SYNE1: variants seen among roughly 807,000 people sequenced by gnomAD.
SYNE1 encodes the protein nesprin-1.
A neutral mutation model predicts 1,111.0 loss-of-function variants in SYNE1; 616 were observed. The observed-to-expected ratio is 0.55, with a 90% confidence interval of 0.52 to 0.59. SYNE1 has a LOEUF of 0.59. Ranked by LOEUF, SYNE1 falls within the 20% of genes least tolerant of loss-of-function variation. The pLI is 0.00. For missense variants in SYNE1, 10,006 were observed against 10,417.0 expected (o/e 0.96, Z 1.72); for synonymous variants, 3,855 against 3,825.8 (o/e 1.01, Z -0.28).
intron 130 of SYNE1, among the ~76,000 whole-genome samples, chr6:152,169,720 A>C (rs1489467862): frequency 3.3e-5 from 5 of 150,914 alleles, no homozygotes; most frequent in Non-Finnish European, 7.4e-5. Flanking sequence ...AGACTGCTTG[A>C]GCCCAGGAGG....
intron 91 of SYNE1, 26 bp downstream of exon 91, chr6:152,308,463 C>T (rs369482077): frequency 6.2e-6 from 10 of 1,613,850 alleles, no homozygotes; most frequent in African/African-American, 4.0e-5. Context: ...TTCCTGCCCT[C>T]GGTATTTCGC....
chr6:152,370,245 T>C (rs1266332557), intron 59 of SYNE1, among the ~76,000 whole-genome samples: 2 of 152,114 alleles, frequency 1.3e-5, no homozygotes, highest in African/African-American at 4.8e-5. Flanking sequence ...GGTTGGATTG[T>C]GAATTTTCAT....
At chr6:152,278,409 T>C in intron 97 of SYNE1, 129 bp from the exon 98 acceptor site, 2 of 1,063,748 alleles carry the variant, frequency 1.9e-6, no homozygotes, top group Admixed American at 1.8e-5. Flanking sequence ...TTTTTGTAGT[T>C]TTCCCACGGC....
chr6:152,430,359 A>G, intron 35 of SYNE1, 123 bp downstream of exon 35: 2 of 1,126,858 alleles, frequency 1.8e-6, no homozygotes, highest in African/African-American at 1.5e-5. Context: ...TAAAATCAAC[A>G]TGTCCCATTA....
At chr6:152,493,401 C>G (rs2154308374) in intron 11 of SYNE1, among the ~76,000 whole-genome samples, 1 of 152,182 alleles carries the variant, frequency 6.6e-6, no homozygotes, top group South Asian at 2.1e-4. Flanking sequence ...ATCCCAGCCT[C>G]TCTTCGCTTT....
chr6:152,145,404 G>A, intron 137 of SYNE1: 1 of 1,342,070 alleles, frequency 7.5e-7, no homozygotes, highest in East Asian at 2.3e-5. Context: ...CACAAAGCTG[G>A]GAGAGAGACA....
At chr6:152,594,716 A>G (rs1421915609) in intron 3 of SYNE1, among the ~76,000 whole-genome samples, 1 of 152,208 alleles carries the variant, frequency 6.6e-6, no homozygotes, top group Non-Finnish European at 1.5e-5. Context: ...ACTCTCTTGT[A>G]CAAAAAACTC....
intron 125 of SYNE1, among the ~76,000 whole-genome samples, chr6:152,207,549 A>C (rs1344563682): frequency 6.6e-6 from 1 of 152,332 alleles, no homozygotes; most frequent in Middle Eastern, 3.4e-3. Context: ...AGATGCTAGA[A>C]GCCTGAAGGT....
chr6:152,367,261 G>C lies in SYNE1; in HGVS notation c.9929C>G (p.Thr3310Arg). The C allele has an allele frequency of 2.5e-6, 4 of 1,614,250 alleles. No individual in the cohort carries two copies. Among genetic ancestry groups the C allele is most frequent in the Non-Finnish European group, 3.4e-6 (4 of 1,180,046 alleles). The change falls in exon 62 of 146, where the codon ACA (threonine) becomes AGA (arginine). Residue 3310 changes from threonine to arginine, a missense_variant. Coordinates refer to ENST00000367255, the MANE Select transcript of SYNE1 (RefSeq NM_182961.4). ...IHMLDSYCHPTSDKSVLDSRT... is the reference protein window; with the variant it reads ...IHMLDSYCHPRSDKSVLDSRT... ...GCTGTCCAGCACACTTTTGTCGGAT[G>C]TCGGGTGGCAGTATGAATCCAGCAT...
intron 133 of SYNE1, among the ~76,000 whole-genome samples, chr6:152,153,473 A>G (rs2152929612): frequency 6.6e-6 from 1 of 152,384 alleles, no homozygotes; most frequent in Admixed American, 6.5e-5. Flanking sequence ...GATAAATAAT[A>G]AAATCAATCA....
At chr6:152,516,208 G>C (rs574608662) in intron 6 of SYNE1, among the ~76,000 whole-genome samples, 4 of 152,188 alleles carry the variant, frequency 2.6e-5, no homozygotes, top group African/African-American at 9.7e-5. Context: ...GAGTGTGGCC[G>C]ACAAGAATGT....
chr6:152,142,353 C>T (rs10484863), intron 138 of SYNE1, among the ~76,000 whole-genome samples: 12,455 of 152,004 alleles, frequency 0.082, 774 homozygotes, highest in East Asian at 0.3. Flanking sequence ...GTTAATGTTA[C>T]GACAAATCTC....
intron 58 of SYNE1, 111 bp from the exon 59 acceptor site, chr6:152,373,330 A>T: frequency 5.2e-6 from 5 of 967,802 alleles, no homozygotes; most frequent in Non-Finnish European, 7.4e-6. Flanking sequence ...CTCAGGCTGG[A>T]GTGCAGTAGT....
intron 123 of SYNE1, 64 bp from the exon 124 acceptor site, chr6:152,211,652 T>A: frequency 7.1e-7 from 1 of 1,413,724 alleles, no homozygotes; most frequent in South Asian, 1.2e-5. Flanking sequence ...GGTTCTCTGA[T>A]AACTTTCCAA....
intron 63 of SYNE1, among the ~76,000 whole-genome samples, chr6:152,363,356 T>C (rs1252538236): frequency 1.5e-4 from 23 of 148,976 alleles, no homozygotes; most frequent in Middle Eastern, 6.9e-3. Context: ...TAGCCGGGCA[T>C]GGTGGCGGGC....
At chr6:152,439,373 C>T (rs1332158960) in intron 32 of SYNE1, among the ~76,000 whole-genome samples, 3 of 152,042 alleles carry the variant, frequency 2.0e-5, no homozygotes, top group Non-Finnish European at 2.9e-5. Context: ...GCACCTGATA[C>T]GTTTTTAATA....
chr6:152,359,267 C>T (rs553799163), intron 65 of SYNE1, 48 bp downstream of exon 65: 1 of 1,611,588 alleles, frequency 6.2e-7, no homozygotes, highest in East Asian at 2.2e-5. Flanking sequence ...AGCACAGCTC[C>T]AAACACTCCC....
At chr6:152,507,599 A>G (rs2099064549) in intron 8 of SYNE1, among the ~76,000 whole-genome samples, 1 of 152,210 alleles carries the variant, frequency 6.6e-6, no homozygotes, top group East Asian at 1.9e-4. Context: ...AGAAAGACAC[A>G]GCATTTAAAG....
At chr6:152,504,640 G>C (rs553452063) in intron 9 of SYNE1, among the ~76,000 whole-genome samples, 65 of 152,230 alleles carry the variant, frequency 4.3e-4, no homozygotes, top group African/African-American at 1.3e-3. Flanking sequence ...CAACTTATTA[G>C]TTTATAAAAG....
Sources: allele counts gnomAD v4.1 joint callset (sites outside exome capture counted in the v4.1 genomes callset), GRCh38; gene constraint gnomAD v4.1.1; transcripts MANE v1.5; gene names NCBI Gene and HGNC (gene_info 2026-07-23, HGNC 2026-07-21).